The following PNMA8A variants were observed in gnomAD, a reference collection of about 807,000 sequenced individuals.
PNMA8A encodes the protein PNMA family member 8A.
In PNMA8A, 17 loss-of-function variants were observed where a neutral mutation model predicts 26.6. The observed-to-expected ratio is 0.64, with a 90% CI of 0.44 to 0.96. PNMA8A has a LOEUF of 0.96. Among genes scored for constraint, PNMA8A ranks in the 40% least tolerant of loss-of-function variants. The pLI, the probability that PNMA8A is intolerant of heterozygous loss-of-function variation, is 0.00. For missense variants in PNMA8A, 532 were observed against 488.4 expected (o/e 1.09, Z -0.84); for synonymous variants, 224 against 182.0 (o/e 1.23, Z -1.86).
intron 1 of PNMA8A, 91 bp downstream of exon 1, chr19:46,471,246 C>G: frequency 2.0e-6 from 1 of 508,008 alleles, no homozygotes; most frequent in Non-Finnish European, 3.5e-6. Context: ...CAACCCAGGC[C>G]CCGGTGCTCA....
At chr19:46,468,790 C>G (rs1360060142) in intron 2 of PNMA8A, among the ~76,000 whole-genome samples, 1 of 152,174 alleles carries the variant, frequency 6.6e-6, no homozygotes, top group Non-Finnish European at 1.5e-5. Flanking sequence ...GGGTTTCACT[C>G]TATCGCCCAG....
At chr19:46,469,600 T>C (rs1298948523) in intron 2 of PNMA8A, 133 bp downstream of exon 2, 1 of 977,386 alleles carries the variant, frequency 1.0e-6, no homozygotes, top group Non-Finnish European at 1.5e-6. Context: ...CCTCCTGCCA[T>C]GCACCAGGGT....
chr19:46,469,902 G>A lies in PNMA8A; in HGVS notation c.1134C>T (p.Asp378=). 1.2e-6 allele frequency: 2 copies of A among 1,614,190 alleles called. No homozygotes were observed. The highest frequency in any genetic ancestry group is 1.7e-6 in the Non-Finnish European group (2 of 1,180,030). The change falls in exon 2 of 3, where the codon GAC becomes GAT. Residue 378 remains aspartate, a synonymous_variant. Coordinates refer to ENST00000313683, the MANE Select transcript of PNMA8A (RefSeq NM_018215.4). ...SLGPVSYVLV[D]SEDGRKKPVM... The stretch of plus-strand genomic sequence containing the variant: ...CCGGCTTCTTCCTGCCATCTTCTGA[G>A]TCAACCAAGACGTAGGAGACAGGGC...
In PNMA8A at chr19:46,469,933, C is replaced by T; in HGVS notation, c.1103G>A (p.Ser368Asn). Reference protein sequence around the residue: ...PAPMRKKKKVSLGPVSYVLVD... With the variant: ...PAPMRKKKKVNLGPVSYVLVD... ...CAAGACGTAGGAGACAGGGCCCAAG[C>T]TCACCTTCTTCTTCTTCCTCATGGG... Residue 368 changes from serine to asparagine, a missense_variant, in exon 2 of 3, where the codon AGC (serine) becomes AAC (asparagine). Transcript: ENST00000313683. 1 of 1,614,136 alleles carries T rather than the reference C, an allele frequency of 6.2e-7. No homozygotes were observed. Among genetic ancestry groups the T allele is most frequent in the African/African-American group, 1.3e-5 (1 of 75,050 alleles).
At chr19:46,468,775 G>C (rs1338754612) in intron 2 of PNMA8A, among the ~76,000 whole-genome samples, 198 bp from the exon 3 acceptor site, 1 of 151,934 alleles carries the variant, frequency 6.6e-6, no homozygotes, top group Non-Finnish European at 1.5e-5. Context: ...GGGGAGGGGG[G>C]AACAGGGTTT....
At position 46,469,763 on chromosome 19, in the gene PNMA8A, G is replaced by C; in HGVS notation, c.1273C>G (p.Pro425Ala). Residue 425 changes from proline to alanine, a missense_variant, in exon 2 of 3, where the codon CCA becomes GCA. Physicochemically the swap from Pro to Ala is conservative, Grantham distance 27 (BLOSUM62 -1). Coordinates refer to ENST00000313683, the MANE Select transcript of PNMA8A (RefSeq NM_018215.4). Reference protein sequence around the residue: ...ASTSRGPKAKPEGSPRRATNE... With the variant: ...ASTSRGPKAKAEGSPRRATNE... ...GTGGCACGCCGAGGAGAGCCTTCTG[G>C]CTTGGCCTTCGGACCCCTAGAGGTT... 6.2e-7 allele frequency: 1 copy of C among 1,611,648 alleles called. No individual in the cohort carries two copies. The highest frequency in any genetic ancestry group is 1.3e-5 in the African/African-American group (1 of 74,828).
Position 46,466,717 on chromosome 19 carries a change from G to A in PNMA8A, c.*1844C>T, listed in dbSNP as rs904842286. On this transcript the variant is annotated 3_prime_UTR_variant, in exon 3 of 3. Transcript: ENST00000313683. The stretch of plus-strand genomic sequence containing the variant: ...TGCACACAGCTGTGTAGCTGCAAAC[G>A]GAAACCACTCTCTTTTCTCTCGTAT... The A allele has an allele frequency of 6.6e-6, 1 of 152,058 alleles. No homozygotes were observed. The highest frequency in any genetic ancestry group is 1.5e-5 in the Non-Finnish European group (1 of 68,030). 9.4% of individuals were successfully genotyped at this position (152,058 alleles called of 1,614,324 possible).
chr19:46,470,308 C>G lies in PNMA8A; in HGVS notation c.728G>C (p.Arg243Thr), dbSNP rs989237948. ...CCTGGAGTTCTTCTTCTGCTTCTTT[C>G]TCCTGGAGCGAGACTTAGCTCCAGC... ...RRAGAKSRSR[R>T]KKQKKNSRQE... Residue 243 changes from arginine (R) to threonine (T), a missense_variant, in exon 2 of 3, where the codon AGA becomes ACA. Physicochemically the swap from Arg to Thr is moderately conservative, Grantham distance 71. Coordinates refer to ENST00000313683, the MANE Select transcript of PNMA8A (RefSeq NM_018215.4). 11 of 1,613,884 alleles carry G rather than the reference C, an allele frequency of 6.8e-6. No homozygotes were observed. The highest frequency in any genetic ancestry group is 1.1e-5 in the South Asian group (1 of 91,088).
chr19:46,469,684 C>A lies in PNMA8A; in HGVS notation c.1303+49G>T, dbSNP rs766512897. The A allele has an allele frequency of 2.0e-6, 3 of 1,532,332 alleles. No homozygotes were observed. The South Asian group carries it at 3.8e-5, about 20-fold the overall frequency. 94.9% of individuals were successfully genotyped at this position (1,532,332 alleles called of 1,614,324 possible). On this transcript the variant is annotated intron_variant, in intron 2 of 2. Transcript: ENST00000313683. ...CACCTGCCACTCCTGCTCCTCCTGC[C>A]TCATCCACTTGCTGGCACGAGCCCA...
At position 46,470,115 on chromosome 19, in the gene PNMA8A, C is replaced by CA; in HGVS notation, c.920dup (p.Met307IlefsTer28). On this transcript the variant is annotated frameshift_variant, in exon 2 of 3. Transcript: ENST00000313683. LOFTEE classifies it high-confidence loss of function. ...TGGGACCCTTCCAGGCACATTTCGC[C>CA]ATGGGCTTCTTCAAAGCCAACTCCT... 6.2e-7 allele frequency: 1 copy of CA among 1,606,662 alleles called. No homozygotes were observed. The highest frequency in any genetic ancestry group is 2.2e-5 in the East Asian group (1 of 44,820).
rs1443315279 is a variant in PNMA8A at position 46,471,024 on chromosome 19, G to A, written c.12C>T (p.Thr4=). The A allele has an allele frequency of 1.3e-6, 1 of 767,750 alleles. No homozygotes were observed. The highest frequency in any genetic ancestry group is 2.4e-6 in the Non-Finnish European group (1 of 410,172). The allele number at this position is 767,750 out of a possible 1,614,324, so 47.6% of individuals were successfully genotyped here. MSK[T]MAMNLLEDWC... ...AATCCTCCAGAAGGTTCATCGCCAT[G>A]GTCTTGGACATTTAGCGGCTCTGAA... Residue 4 remains threonine, a synonymous_variant, in exon 2 of 3, where the codon ACC becomes ACT. Transcript: ENST00000313683.
At position 46,468,464 on chromosome 19, in the gene PNMA8A, G is replaced by T. The variant is rs1029810859; in HGVS notation, c.*97C>A. 2.7e-5 allele frequency: 31 copies of T among 1,161,908 alleles called. No homozygotes were observed. The African/African-American group carries it at 4.1e-4, about 15-fold the overall frequency. The allele number at this position is 1,161,908 out of a possible 1,614,324, so 72.0% of individuals were successfully genotyped here. A position where few individuals can be genotyped will look rare whatever the true frequency, so the allele number is the denominator to read the frequency against. ...AGATCTCTATCAACAGGGGCCCTAA[G>T]AGAGTCCAAAGTCTTATTCAGTGAC... On this transcript the variant is annotated 3_prime_UTR_variant, in exon 3 of 3. Transcript: ENST00000313683.
chr19:46,471,230 C>T (rs368185843), intron 1 of PNMA8A, 107 bp downstream of exon 1: 1 of 529,072 alleles, frequency 1.9e-6, no homozygotes, highest in Non-Finnish European at 3.3e-6. Flanking sequence ...CCAACACCCT[C>T]CTCCCCAACC....
At position 46,471,063 on chromosome 19, in the gene PNMA8A, GTAAA is replaced by G. The variant is rs1969786773; in HGVS notation, c.-32_-29del. ...AGCGGCTCTGAACCTACTATGTGTA[GTAAA>G]TAGTCTATCAGGTGGACGTGGGCTG... On this transcript the variant is annotated 5_prime_UTR_variant, in exon 2 of 3. Transcript: ENST00000313683. 1.4e-6 allele frequency: 1 copy of G among 721,290 alleles called. No homozygotes were observed. The highest frequency in any genetic ancestry group is 2.6e-6 in the Non-Finnish European group (1 of 387,518). 44.7% of individuals were successfully genotyped at this position (721,290 alleles called of 1,614,324 possible). A position where few individuals can be genotyped will look rare whatever the true frequency, so the allele number is the denominator to read the frequency against.
Position 46,468,496 on chromosome 19 carries a change from G to T in PNMA8A, c.*65C>A. The T allele has an allele frequency of 6.7e-7, 1 of 1,502,998 alleles. No homozygotes were observed. Among genetic ancestry groups the T allele is most frequent in the East Asian group, 2.3e-5 (1 of 44,312 alleles). The allele number at this position is 1,502,998 out of a possible 1,614,324, so 93.1% of individuals were successfully genotyped here. On this transcript the variant is annotated 3_prime_UTR_variant, in exon 3 of 3. Coordinates refer to ENST00000313683, the MANE Select transcript of PNMA8A (RefSeq NM_018215.4). ...CAAAGTCTTATTCAGTGACAAGAGA[G>T]AACTTGGTTGACTTGGTACTTCTTC...
chr19:46,470,881 G>A lies in PNMA8A; in HGVS notation c.155C>T (p.Pro52Leu). ...TLNGVLSPLG[P>L]YRVLNKIFVR... The stretch of plus-strand genomic sequence containing the variant: ...AAAAATCTTGTTGAGCACGCGGTAC[G>A]GGCCCAGTGGGGAGAGGACCCCATT... The change falls in exon 2 of 3, where the codon CCG becomes CTG. Residue 52 changes from proline (P) to leucine (L), a missense_variant. By Grantham distance (98) the Pro-to-Leu change is moderately conservative. Coordinates refer to ENST00000313683, the MANE Select transcript of PNMA8A (RefSeq NM_018215.4). The A allele has an allele frequency of 2.6e-6, 2 of 780,980 alleles. No individual in the cohort carries two copies. Among genetic ancestry groups the A allele is most frequent in the Non-Finnish European group, 4.8e-6 (2 of 418,142 alleles). The allele number at this position is 780,980 out of a possible 1,614,324, so 48.4% of individuals were successfully genotyped here.
chr19:46,469,653 C>A (rs1361000192), intron 2 of PNMA8A, 80 bp downstream of exon 2: 6 of 1,447,284 alleles, frequency 4.1e-6, no homozygotes, highest in Non-Finnish European at 4.6e-6. Context: ...TCGGGCTCCT[C>A]TGCCCCACCT....
chr19:46,466,968 G>A lies in PNMA8A; in HGVS notation c.*1593C>T, dbSNP rs753477379. ...TACTACCATACACCTGAACAGTCAC[G>A]GCAGAACAAGAGCATGTGAATGACG... On this transcript the variant is annotated 3_prime_UTR_variant, in exon 3 of 3. Transcript: ENST00000313683. 1.3e-5 allele frequency: 2 copies of A among 152,096 alleles called. No individual in the cohort carries two copies. Among genetic ancestry groups the A allele is most frequent in the Non-Finnish European group, 2.9e-5 (2 of 68,022 alleles). The allele number at this position is 152,096 out of a possible 1,614,324, so 9.4% of individuals were successfully genotyped here. A position where few individuals can be genotyped will look rare whatever the true frequency, so the allele number is the denominator to read the frequency against.
chr19:46,469,971 G>A lies in PNMA8A; in HGVS notation c.1065C>T (p.Ala355=). ...PKKKAVAWVS[A]KNPAPMRKKK... ...TCTTCCTCATGGGAGCGGGGTTCTT[G>A]GCAGACACCCAGGCCACGGCCTTCT... Residue 355 remains alanine, a synonymous_variant, in exon 2 of 3, where the codon GCC becomes GCT. Coordinates refer to ENST00000313683, the MANE Select transcript of PNMA8A (RefSeq NM_018215.4). 1 of 1,612,896 alleles carries A rather than the reference G, an allele frequency of 6.2e-7. No homozygotes were observed. Among genetic ancestry groups the A allele is most frequent in the Non-Finnish European group, 8.5e-7 (1 of 1,179,518 alleles).
Sources: gnomAD v4.1 joint callset for allele counts (sites outside exome capture counted in the v4.1 genomes callset) on GRCh38, gnomAD v4.1.1 for gene constraint, MANE v1.5 for transcripts, NCBI Gene and HGNC (gene_info 2026-07-23, HGNC 2026-07-21) for gene names.